SHANK2: variants seen among roughly 807,000 people sequenced by gnomAD.
The protein encoded by SHANK2 is SH3 and multiple ankyrin repeat domains 2.
In SHANK2, 43 loss-of-function variants were observed where a neutral mutation model predicts 133.7. That is an observed-to-expected ratio of 0.32 (90% CI 0.25 to 0.41). The LOEUF is 0.41. SHANK2 is among the 10% of genes least tolerant of loss of function. The probability of loss-of-function intolerance (pLI) is 1.00; values close to 1 mark genes in which losing one functional copy is unlikely to be tolerated. For missense variants in SHANK2, 1,994 were observed against 2,235.8 expected, an observed-to-expected ratio of 0.89 and a Z score of 2.18; for synonymous variants, 1,017 against 952.8, an observed-to-expected ratio of 1.07 and a Z score of -1.24.
In SHANK2 at chr11:70,910,605, C is replaced by T. The variant is rs148886076; in HGVS notation, c.1108-14038G>A. 6.6e-5 allele frequency among the ~76,000 whole-genome samples: 10 copies of T among 152,092 alleles called. No individual in the cohort carries two copies. The East Asian group carries it at 9.7e-4, about 15-fold the overall frequency. On this transcript the variant is annotated intron_variant, in intron 10 of 25. Coordinates refer to ENST00000601538, the MANE Select transcript of SHANK2 (RefSeq NM_012309.5). The stretch of plus-strand genomic sequence containing the variant: ...GACAGATGACTTGAGGTCAGGAGTT[C>T]GAGACCAGCCTGGCCAAAGTGGCAA...
intron 13 of SHANK2, among the ~76,000 whole-genome samples, chr11:70,803,333 TCTACCCATCCATCCATTTAC>T: frequency 6.6e-6 from 1 of 151,156 alleles, no homozygotes; most frequent in East Asian, 2.0e-4. Flanking sequence ...CATCCATCCA[TCTACCCATCCATCCATTTAC>T]CTATCCATCC....
chr11:71,121,775 C>G (rs183552822), intron 3 of SHANK2, among the ~76,000 whole-genome samples: 1 of 152,166 alleles, frequency 6.6e-6, no homozygotes, highest in African/African-American at 2.4e-5. Context: ...GTTTCTTCTG[C>G]AAAGAACTTA....
Position 70,692,504 on chromosome 11 carries a change from A to G in SHANK2, c.1853+6184T>C, listed in dbSNP as rs568768884. Among the ~76,000 whole-genome samples the G allele has an allele frequency of 2.6e-5, 4 of 152,328 alleles. No homozygotes were observed. In the East Asian group the frequency reaches 7.7e-4, roughly 29 times the overall value. On this transcript the variant is annotated intron_variant, in intron 15 of 25. Coordinates refer to ENST00000601538, the MANE Select transcript of SHANK2 (RefSeq NM_012309.5). ...GTGACTTAGCTGGAAAGCCAGAGAG[A>G]TAACTTAGGACCGGTGATTTCTCAG... is the stretch of plus-strand genomic sequence containing the variant.
chr11:70,525,780 C>G (rs115452660), intron 17 of SHANK2, among the ~76,000 whole-genome samples: 34 of 152,118 alleles, frequency 2.2e-4, no homozygotes, highest in Middle Eastern at 6.8e-3. Flanking sequence ...AGCTAACCCC[C>G]CTCCTAGCCC....
intron 14 of SHANK2, among the ~76,000 whole-genome samples, chr11:70,738,321 G>A (rs868919980): frequency 3.3e-5 from 5 of 152,252 alleles, no homozygotes; most frequent in Non-Finnish European, 7.3e-5. Context: ...AGGGAAAGGC[G>A]CTCCCCTCTG....
chr11:70,786,996 C>A (rs12226752), intron 14 of SHANK2, among the ~76,000 whole-genome samples: 96,656 of 141,072 alleles, frequency 0.69, 35,460 homozygotes, highest in East Asian at 0.95. Flanking sequence ...AGCATCACCA[C>A]CAGCATCACC....
At position 70,522,926 on chromosome 11, in the gene SHANK2, C is replaced by T. The variant is rs558603200; in HGVS notation, c.2062-19995G>A. Among the ~76,000 whole-genome samples the T allele has an allele frequency of 5.1e-4, 77 of 152,372 alleles. No individual in the cohort carries two copies. In the South Asian group the frequency reaches 0.015, roughly 30 times the overall value. ...CAGTTGCCCCGGCAACGTGCGGCCG[C>T]GGGCAGGCTACCTTCACTGAGGCCT... On this transcript the variant is annotated intron_variant, in intron 17 of 25. Transcript: ENST00000601538.
intron 3 of SHANK2, among the ~76,000 whole-genome samples, chr11:71,141,871 G>A (rs76303045): frequency 0.054 from 8,210 of 151,944 alleles, 459 homozygotes; most frequent in African/African-American, 0.15. Flanking sequence ...CAACCTAGAC[G>A]AGACAGGCAG....
chr11:70,563,091 G>C (rs972393734), intron 17 of SHANK2, among the ~76,000 whole-genome samples: 2 of 152,092 alleles, frequency 1.3e-5, no homozygotes, highest in Non-Finnish European at 2.9e-5. Flanking sequence ...GCATGGTCTC[G>C]ATCTCTTGAT....
At chr11:70,822,958 C>T (rs540981391) in intron 11 of SHANK2, among the ~76,000 whole-genome samples, 21 of 19,504 alleles carry the variant, frequency 1.1e-3, no homozygotes, top group Admixed American at 1.6e-3. Flanking sequence ...GCAGAGGTCA[C>T]GGGGGACAGA....
At chr11:70,707,397 AGAG>A (rs1355403964) in intron 14 of SHANK2, among the ~76,000 whole-genome samples, 1 of 133,036 alleles carries the variant, frequency 7.5e-6, no homozygotes, top group Non-Finnish European at 1.7e-5. Context: ...AAAAAAAAAA[AGAG>A]AGAGAGAGAT....
chr11:70,505,851 A>G (rs2059128974), intron 17 of SHANK2, among the ~76,000 whole-genome samples: 1 of 151,900 alleles, frequency 6.6e-6, no homozygotes, highest in African/African-American at 2.4e-5. Flanking sequence ...CAGCCTGCTA[A>G]CCATCACGGC....
intron 17 of SHANK2, among the ~76,000 whole-genome samples, chr11:70,530,053 C>A (rs11236558): frequency 0.44 from 67,621 of 152,032 alleles, 17,650 homozygotes; most frequent in Non-Finnish European, 0.58. Flanking sequence ...AATTCCACTC[C>A]TGGGTACAGA....
In SHANK2 at chr11:70,674,697, G is replaced by A. The variant is rs540649639; in HGVS notation, c.1854-13019C>T. On this transcript the variant is annotated intron_variant, in intron 15 of 25. Coordinates refer to ENST00000601538, the MANE Select transcript of SHANK2 (RefSeq NM_012309.5). ...CTGCAAATGTTCTAGACCAGGCAAC[G>A]GCCCAGAGAGTGAACATTCCAGGCT... Among the ~76,000 whole-genome samples the A allele has an allele frequency of 1.8e-4, 27 of 152,346 alleles. No homozygotes were observed. The South Asian group carries it at 1.9e-3, about 11-fold the overall frequency.
intron 1 of SHANK2, among the ~76,000 whole-genome samples, chr11:71,246,954 C>A (rs1318658508): frequency 6.6e-6 from 1 of 152,170 alleles, no homozygotes; most frequent in Non-Finnish European, 1.5e-5. Context: ...GACTGTACAG[C>A]TTTTTCAATT....
At chr11:70,842,238 G>A (rs182186288) in intron 11 of SHANK2, among the ~76,000 whole-genome samples, 2 of 152,290 alleles carry the variant, frequency 1.3e-5, no homozygotes, top group Admixed American at 1.3e-4. Flanking sequence ...AGTAAAATTT[G>A]ACGATGGTTT....
chr11:70,740,550 T>C (rs977653388), intron 14 of SHANK2, among the ~76,000 whole-genome samples: 6 of 152,140 alleles, frequency 3.9e-5, no homozygotes, highest in Non-Finnish European at 8.8e-5. Flanking sequence ...CCTGGGGTGA[T>C]GCGTCAGAGG....
intron 14 of SHANK2, among the ~76,000 whole-genome samples, chr11:70,702,201 A>C (rs1555023873): frequency 6.6e-6 from 1 of 150,908 alleles, no homozygotes; most frequent in African/African-American, 2.4e-5. Flanking sequence ...CACCACCATC[A>C]TCACCACTAT....
At chr11:70,616,344 A>AC (rs1208435797) in intron 17 of SHANK2, among the ~76,000 whole-genome samples, 1 of 151,768 alleles carries the variant, frequency 6.6e-6, no homozygotes, top group African/African-American at 2.4e-5. Context: ...GGCTCCAGGG[A>AC]CCCCAAGAGG....
Sources: gnomAD v4.1 joint callset for allele counts (sites outside exome capture counted in the v4.1 genomes callset) on GRCh38, gnomAD v4.1.1 for gene constraint, MANE v1.5 for transcripts, NCBI Gene and HGNC (gene_info 2026-07-23, HGNC 2026-07-21) for gene names.